Variants in COL11A1 observed in about 807,000 individuals in gnomAD.
The protein encoded by COL11A1 is collagen type XI alpha 1 chain.
Under a neutral mutation model 265.2 loss-of-function variants are expected in COL11A1, and 74 were observed. The observed-to-expected ratio is 0.28, with a 90% CI of 0.23 to 0.34. The LOEUF is 0.34. Ranked by LOEUF, COL11A1 falls within the 10% of genes least tolerant of loss-of-function variation. The probability of loss-of-function intolerance (pLI) is 1.00; values close to 1 mark genes in which losing one functional copy is unlikely to be tolerated. For missense variants in COL11A1, 2,165 were observed against 2,263.6 expected (o/e 0.96, Z 0.88); for synonymous variants, 816 against 727.6 (o/e 1.12, Z -1.96).
chr1:103,050,935 T>C (rs1415995928), intron 4 of COL11A1, among the ~76,000 whole-genome samples: 1 of 152,210 alleles, frequency 6.6e-6, no homozygotes, highest in African/African-American at 2.4e-5. Context: ...GAACCACAAA[T>C]GCTGCGGCCT....
chr1:102,923,444 AGTTTGGTC>A, intron 46 of COL11A1, 55 bp from the exon 47 acceptor site: 1 of 1,323,060 alleles, frequency 7.6e-7, no homozygotes, highest in Non-Finnish European at 1.1e-6. Flanking sequence ...TAAAAAAAAA[AGTTTGGTC>A]AATTTCTAAG....
intron 5 of COL11A1, among the ~76,000 whole-genome samples, chr1:103,027,336 A>G (rs866979621): frequency 3.8e-4 from 55 of 146,468 alleles, no homozygotes; most frequent in African/African-American, 1.3e-3. Flanking sequence ...AATAAAAATA[A>G]CTAAATACAC....
chr1:102,914,691 C>G lies in COL11A1; in HGVS notation c.3924+13G>C. 1.2e-6 allele frequency: 2 copies of G among 1,603,842 alleles called. No homozygotes were observed. The highest frequency in any genetic ancestry group is 1.7e-6 in the Non-Finnish European group (2 of 1,171,946). On this transcript the variant is annotated intron_variant, in intron 51 of 66. Coordinates refer to ENST00000370096, the MANE Select transcript of COL11A1 (RefSeq NM_001854.4). The stretch of plus-strand genomic sequence containing the variant: ...GCATAAATGCCACATTAGAGGGGAC[C>G]AAACTCACTTACCGGGTTACCCTTA...
chr1:103,054,388 A>G (rs1670060317), intron 4 of COL11A1, among the ~76,000 whole-genome samples: 1 of 152,130 alleles, frequency 6.6e-6, no homozygotes, highest in African/African-American at 2.4e-5. Flanking sequence ...TGCTACTCTA[A>G]CAAGAGTAAA....
chr1:103,084,897 C>T (rs114655775), intron 1 of COL11A1, among the ~76,000 whole-genome samples: 270 of 152,274 alleles, frequency 1.8e-3, no homozygotes, highest in Middle Eastern at 3.4e-3. Context: ...ACAAATACAC[C>T]ACCAAACTTC....
At chr1:103,052,962 C>G (rs533480726) in intron 4 of COL11A1, among the ~76,000 whole-genome samples, 5 of 152,296 alleles carry the variant, frequency 3.3e-5, no homozygotes, top group African/African-American at 9.6e-5. Context: ...AAGATGATTT[C>G]TTCTTTAAAA....
chr1:103,027,441 A>G (rs892857606), intron 5 of COL11A1, among the ~76,000 whole-genome samples: 27 of 93,938 alleles, frequency 2.9e-4, no homozygotes, highest in African/African-American at 9.2e-4. Flanking sequence ...ATATATATAT[A>G]TATGCATGCA....
At chr1:102,898,244 T>C (rs1038115701) in intron 56 of COL11A1, 66 bp from the exon 57 acceptor site, 7 of 770,958 alleles carry the variant, frequency 9.1e-6, no homozygotes, top group African/African-American at 5.6e-5. Context: ...TTATTTATTT[T>C]AAATTTTAGA....
At chr1:102,956,910 A>G (rs986023921) in intron 41 of COL11A1, among the ~76,000 whole-genome samples, 5 of 151,826 alleles carry the variant, frequency 3.3e-5, no homozygotes, top group Admixed American at 2.0e-4. Flanking sequence ...TAATATTTAA[A>G]AAAATTTTAA....
intron 36 of COL11A1, among the ~76,000 whole-genome samples, chr1:102,974,609 G>A (rs904247995): frequency 2.0e-5 from 3 of 151,776 alleles, no homozygotes; most frequent in African/African-American, 7.3e-5. Flanking sequence ...TCTAGTCTTC[G>A]GTATACTGTC....
At chr1:103,067,119 A>C (rs1671219193) in intron 4 of COL11A1, among the ~76,000 whole-genome samples, 1 of 151,932 alleles carries the variant, frequency 6.6e-6, no homozygotes, top group South Asian at 2.1e-4. Context: ...ACAAGTAGAC[A>C]AAAAAATAAG....
intron 4 of COL11A1, among the ~76,000 whole-genome samples, chr1:103,033,198 C>T (rs1192464688): frequency 6.6e-6 from 1 of 151,974 alleles, no homozygotes; most frequent in Non-Finnish European, 1.5e-5. Context: ...AGTAACATTC[C>T]CTTTTATGGA....
At chr1:103,018,954 A>G in intron 9 of COL11A1, 95 bp from the exon 10 acceptor site, 10 of 969,608 alleles carry the variant, frequency 1.0e-5, no homozygotes, top group Non-Finnish European at 1.5e-5. Flanking sequence ...ATTGCATATT[A>G]AATAGTGAAT....
chr1:103,060,890 G>T (rs1434577964), intron 4 of COL11A1, among the ~76,000 whole-genome samples: 1 of 151,772 alleles, frequency 6.6e-6, no homozygotes, highest in African/African-American at 2.4e-5. Context: ...CATATATGGT[G>T]AATATTATTC....
At chr1:102,983,587 T>C (rs1320719617) in intron 31 of COL11A1, among the ~76,000 whole-genome samples, 1 of 152,028 alleles carries the variant, frequency 6.6e-6, no homozygotes, top group East Asian at 1.9e-4. Context: ...GACAGATTCT[T>C]TACTAGAAAC....
At chr1:102,935,014 G>A (rs1657997343) in intron 45 of COL11A1, 46 bp downstream of exon 45, 2 of 1,579,398 alleles carry the variant, frequency 1.3e-6, no homozygotes, top group East Asian at 2.2e-5. Context: ...AATTTAATCA[G>A]GGAGCTGTAA....
At chr1:102,948,931 A>C (rs1450772952) in intron 41 of COL11A1, among the ~76,000 whole-genome samples, 1 of 152,008 alleles carries the variant, frequency 6.6e-6, no homozygotes, top group Admixed American at 6.6e-5. Context: ...AAAGAACACA[A>C]ATATTTGCCT....
In COL11A1 at chr1:103,006,049, A is replaced by C; in HGVS notation, c.1791+19T>G. The C allele has an allele frequency of 6.2e-7, 1 of 1,613,854 alleles. No individual in the cohort carries two copies. Among genetic ancestry groups the C allele is most frequent in the Non-Finnish European group, 8.5e-7 (1 of 1,179,794 alleles). ...GAACTGACACAGGATGTGAATATAA[A>C]AATATGTGAGCTCCTGACCTTTGCC... On this transcript the variant is annotated intron_variant, in intron 17 of 66. Transcript: ENST00000370096.
At chr1:103,049,891 T>G (rs183434154) in intron 4 of COL11A1, among the ~76,000 whole-genome samples, 1 of 152,244 alleles carries the variant, frequency 6.6e-6, no homozygotes, top group African/African-American at 2.4e-5. Flanking sequence ...AATCCTGGGC[T>G]GAAAATTCTT....
Sources: allele counts gnomAD v4.1 joint callset (sites outside exome capture counted in the v4.1 genomes callset), GRCh38; gene constraint gnomAD v4.1.1; transcripts MANE v1.5; gene names NCBI Gene and HGNC (gene_info 2026-07-23, HGNC 2026-07-21).